RHOBTB3: variants seen among roughly 807,000 people sequenced by gnomAD.
RHOBTB3 encodes the protein rho-related BTB domain-containing protein 3.
A neutral mutation model predicts 67.2 loss-of-function variants in RHOBTB3; 47 were observed. The ratio of observed to expected loss-of-function variants is 0.70; its 90% CI spans 0.55 to 0.89. The LOEUF is 0.89. Among genes scored for constraint, RHOBTB3 ranks in the 40% least tolerant of loss-of-function variants. RHOBTB3 has a pLI of 0.00. For synonymous variants in RHOBTB3, 273 were observed against 274.2 expected (o/e 1.00, Z 0.04); for missense variants, 631 against 750.0 (o/e 0.84, Z 1.85).
chr5:95,743,028 G>A (rs1032191981), intron 3 of RHOBTB3, among the ~76,000 whole-genome samples: 16 of 152,014 alleles, frequency 1.1e-4, no homozygotes, highest in Admixed American at 6.5e-5. Flanking sequence ...CCAAGATTGC[G>A]CCACTACACT....
At position 95,777,614 on chromosome 5, in the gene RHOBTB3, C is replaced by T. The variant is rs533255986; in HGVS notation, c.1283-2638C>T. Among the ~76,000 whole-genome samples, 7 of 152,232 alleles carry T rather than the reference C, an allele frequency of 4.6e-5. No individual in the cohort carries two copies. In the East Asian group the frequency reaches 5.8e-4, roughly 13 times the overall value. ...GCCAGTTAGTACGTAAACCATAAAC[C>T]GCATTATGTTCCTTCAGCATATTTT... On this transcript the variant is annotated intron_variant, in intron 8 of 11. Coordinates refer to ENST00000379982, the MANE Select transcript of RHOBTB3 (RefSeq NM_014899.4).
intron 3 of RHOBTB3, among the ~76,000 whole-genome samples, chr5:95,743,289 C>G (rs1305322987): frequency 6.6e-6 from 1 of 152,048 alleles, no homozygotes; most frequent in African/African-American, 2.4e-5. Flanking sequence ...TGGATTGATG[C>G]CTTCCTCTTT....
intron 1 of RHOBTB3, 86 bp from the exon 2 acceptor site, chr5:95,731,773 C>T (rs1053861510): frequency 1.9e-6 from 3 of 1,602,964 alleles, no homozygotes; most frequent in Non-Finnish European, 2.6e-6. Flanking sequence ...CCTCGCCGCG[C>T]GCTGTCCCCC....
In RHOBTB3 at chr5:95,782,416, T is replaced by A. The variant is rs566162234; in HGVS notation, c.1457-1381T>A. The A allele has an allele frequency of 9.9e-5, 15 of 152,130 alleles. No homozygotes were observed. The East Asian group carries it at 2.3e-3, about 23-fold the overall frequency. 9.4% of individuals were successfully genotyped at this position (152,130 alleles called of 1,614,324 possible). A position where few individuals can be genotyped will look rare whatever the true frequency, so the allele number is the denominator to read the frequency against. On this transcript the variant is annotated intron_variant, in intron 9 of 11. Coordinates refer to ENST00000379982, the MANE Select transcript of RHOBTB3 (RefSeq NM_014899.4). ...GAGTTAGTGTTTATTGGGTACAGAGTTTCAGTTTGGGAAGAAGAAACATGT... is the reference window on the plus strand; with the variant it reads ...GAGTTAGTGTTTATTGGGTACAGAGATTCAGTTTGGGAAGAAGAAACATGT...
intron 9 of RHOBTB3, 121 bp downstream of exon 9, chr5:95,780,546 G>A (rs1746018531): frequency 1.2e-6 from 1 of 823,828 alleles, no homozygotes; most frequent in Non-Finnish European, 1.9e-6. Context: ...ATCACGGAAT[G>A]TACTAAGCAA....
At chr5:95,774,446 T>A (rs1420425875) in intron 8 of RHOBTB3, among the ~76,000 whole-genome samples, 1 of 152,218 alleles carries the variant, frequency 6.6e-6, no homozygotes, top group Non-Finnish European at 1.5e-5. Context: ...CTTGTTAACA[T>A]TTTTAATGTC....
intron 2 of RHOBTB3, among the ~76,000 whole-genome samples, chr5:95,733,950 T>A (rs1222909053): frequency 6.6e-6 from 1 of 152,252 alleles, no homozygotes; most frequent in Non-Finnish European, 1.5e-5. Flanking sequence ...TGTGTCCTTG[T>A]TAAATCACTT....
At chr5:95,743,091 A>T (rs948014438) in intron 3 of RHOBTB3, among the ~76,000 whole-genome samples, 5 of 152,084 alleles carry the variant, frequency 3.3e-5, no homozygotes, top group Non-Finnish European at 7.4e-5. Flanking sequence ...AAAATAAAAA[A>T]TAAATAAAAA....
Position 95,789,202 on chromosome 5 carries a change from C to G in RHOBTB3, c.1720+344C>G, listed in dbSNP as rs552520044. ...TCTTAGTTCTAACTACCTAAGTCAG[C>G]AGCAAAGTTTAAACAGTACAGATTT... On this transcript the variant is annotated intron_variant, in intron 11 of 11. Transcript: ENST00000379982. 2.3e-5 allele frequency: 5 copies of G among 220,400 alleles called. No individual in the cohort carries two copies. In the South Asian group the frequency reaches 3.6e-4, roughly 16 times the overall value. The allele number at this position is 220,400 out of a possible 1,614,324, so 13.7% of individuals were successfully genotyped here. A position where few individuals can be genotyped will look rare whatever the true frequency, so the allele number is the denominator to read the frequency against.
intron 8 of RHOBTB3, among the ~76,000 whole-genome samples, chr5:95,772,452 C>A (rs1404585934): frequency 6.6e-6 from 1 of 152,132 alleles, no homozygotes; most frequent in East Asian, 1.9e-4. Context: ...GTATTTACTT[C>A]CTAGGTCATG....
In RHOBTB3 at chr5:95,731,619, G is replaced by T. The variant is rs1755254108; in HGVS notation, c.-64G>T. 1.9e-6 allele frequency: 3 copies of T among 1,605,698 alleles called. No individual in the cohort carries two copies. The highest frequency in any genetic ancestry group is 1.7e-5 in the Admixed American group (1 of 59,148). ...TTGCGGGTGAACTCGCCGCCCGGGG[G>T]CCCCGCGAAGCCGTGAGCCGCTGCT... is the stretch of plus-strand genomic sequence containing the variant. On this transcript the variant is annotated 5_prime_UTR_variant, in exon 1 of 12. Coordinates refer to ENST00000379982, the MANE Select transcript of RHOBTB3 (RefSeq NM_014899.4).
intron 1 of RHOBTB3, among the ~76,000 whole-genome samples, chr5:95,718,160 T>C (rs953235415): frequency 2.6e-5 from 4 of 151,012 alleles, no homozygotes; most frequent in Non-Finnish European, 2.9e-5. Flanking sequence ...ACTTTCCCTC[T>C]TTTTTTTTCT....
chr5:95,758,899 G>C (rs1745319488), intron 6 of RHOBTB3, among the ~76,000 whole-genome samples: 1 of 152,224 alleles, frequency 6.6e-6, no homozygotes, highest in Non-Finnish European at 1.5e-5. Flanking sequence ...GCCAAAACCA[G>C]CAAACTAGGG....
intron 10 of RHOBTB3, among the ~76,000 whole-genome samples, chr5:95,785,115 A>G (rs1746183709): frequency 6.6e-6 from 1 of 152,216 alleles, no homozygotes; most frequent in East Asian, 1.9e-4. Flanking sequence ...CAGATCTGTG[A>G]CAGCTGAATG....
At chr5:95,767,636 A>C (rs1037872546) in intron 7 of RHOBTB3, 2 of 547,112 alleles carry the variant, frequency 3.7e-6, no homozygotes, top group South Asian at 2.6e-5. Flanking sequence ...TGGCCAAAAA[A>C]TGTATTTTTC....
intron 1 of RHOBTB3, 30 bp downstream of exon 1, chr5:95,731,714 C>CT (rs1432225140): frequency 6.2e-7 from 1 of 1,613,238 alleles, no homozygotes; most frequent in African/African-American, 1.3e-5. Flanking sequence ...CTGCCATTGT[C>CT]TCTCTCCAGC....
chr5:95,788,842 A>C lies in RHOBTB3; in HGVS notation c.1704A>C (p.Glu568Asp). Residue 568 changes from glutamate to aspartate, a missense_variant, in exon 11 of 12, where the codon GAA (glutamate) becomes GAC (aspartate). Coordinates refer to ENST00000379982, the MANE Select transcript of RHOBTB3 (RefSeq NM_014899.4). ...ACCTCATCTTCAGTCAAAAGCCTGA[A>C]TTTCAGGATCTTTCAGGTAGATTGC... ...TNYLIFSQKP[E>D]FQDLSVEERS... The C allele has an allele frequency of 6.4e-7, 1 of 1,557,210 alleles. No individual in the cohort carries two copies. Among genetic ancestry groups the C allele is most frequent in the South Asian group, 1.3e-5 (1 of 79,800 alleles).
At position 95,741,326 on chromosome 5, in the gene RHOBTB3, TA is replaced by T. The variant is rs147831035; in HGVS notation, c.415+4264del. ...CTGGACGACAGAGCGAGACTCTGACTAAAAAAAAAAAAAGAAAAGAAAAAAA... is the reference window on the plus strand; with the variant it reads ...CTGGACGACAGAGCGAGACTCTGACTAAAAAAAAAAAAGAAAAGAAAAAAA... On this transcript the variant is annotated intron_variant, in intron 3 of 11. Coordinates refer to ENST00000379982, the MANE Select transcript of RHOBTB3 (RefSeq NM_014899.4). 8.1e-3 allele frequency among the ~76,000 whole-genome samples: 965 copies of T among 118,820 alleles called. 6 individuals are homozygous for T. The highest frequency in any genetic ancestry group is 0.026 in the African/African-American group (831 of 32,472). 78.0% of individuals were successfully genotyped at this position (118,820 alleles called of 152,430 possible).
intron 2 of RHOBTB3, chr5:95,732,382 A>G (rs1755311436): frequency 1.8e-6 from 1 of 569,984 alleles, no homozygotes; most frequent in Non-Finnish European, 3.1e-6. Flanking sequence ...TGCCAACTCC[A>G]AGGGACGGGG....
Sources: allele counts gnomAD v4.1 joint callset (sites outside exome capture counted in the v4.1 genomes callset), GRCh38; gene constraint gnomAD v4.1.1; transcripts MANE v1.5; gene names NCBI Gene and HGNC (gene_info 2026-07-23, HGNC 2026-07-21).